Variants in ENTPD8 observed in about 807,000 individuals in gnomAD.
ENTPD8 encodes ectonucleoside triphosphate diphosphohydrolase 8.
Under a neutral mutation model 47.0 loss-of-function variants are expected in ENTPD8, and 35 were observed. The ratio of observed to expected loss-of-function variants is 0.75; its 90% CI spans 0.57 to 0.99. The LOEUF is 0.99. Ranked by LOEUF, ENTPD8 falls within the 50% of genes least tolerant of loss-of-function variation. The pLI is 0.00. For synonymous variants in ENTPD8, 308 were observed against 290.5 expected (o/e 1.06, Z -0.61); for missense variants, 668 against 649.9 (o/e 1.03, Z -0.30).
chr9:137,434,835 C>T lies in ENTPD8; in HGVS notation c.*79G>A, dbSNP rs1839291853. 1.2e-5 allele frequency: 18 copies of T among 1,455,170 alleles called. No homozygotes were observed. The highest frequency in any genetic ancestry group is 4.9e-5 in the Admixed American group (2 of 41,168). 90.1% of individuals were successfully genotyped at this position (1,455,170 alleles called of 1,614,324 possible). A position where few individuals can be genotyped will look rare whatever the true frequency, so the allele number is the denominator to read the frequency against. On this transcript the variant is annotated 3_prime_UTR_variant, in exon 10 of 10. Coordinates refer to ENST00000371506, the MANE Select transcript of ENTPD8 (RefSeq NM_001033113.2). ...AGAGCCACAGAGCAAGGCCCCACGG[C>T]GCTCAGGGCTCAGGAAGCCTCCAGC...
At chr9:137,439,150 C>G (rs1469989835) in intron 1 of ENTPD8, among the ~76,000 whole-genome samples, 5 of 152,170 alleles carry the variant, frequency 3.3e-5, no homozygotes, top group Admixed American at 3.3e-4. Context: ...CAAGGCTTCC[C>G]TAATCTGACT....
rs138479024 is a variant in ENTPD8 at position 137,434,426 on chromosome 9, T to G, written c.*488A>C. 0.016 allele frequency: 23,847 copies of G among 1,490,170 alleles called. 255 individuals are homozygous for G. The highest frequency in any genetic ancestry group is 0.019 in the Non-Finnish European group (21,270 of 1,116,252). The allele number at this position is 1,490,170 out of a possible 1,614,324, so 92.3% of individuals were successfully genotyped here. A position where few individuals can be genotyped will look rare whatever the true frequency, so the allele number is the denominator to read the frequency against. On this transcript the variant is annotated 3_prime_UTR_variant, in exon 10 of 10. Coordinates refer to ENST00000371506, the MANE Select transcript of ENTPD8 (RefSeq NM_001033113.2). ...ACTGCAGTCTCACCCTCCAAGTGGG[T>G]GTGGGAGGCCGGGCTGGCCCAGCAG... is the stretch of plus-strand genomic sequence containing the variant.
In ENTPD8 at chr9:137,436,169, CG is replaced by C. The variant is rs898085144; in HGVS notation, c.893del (p.Pro298ArgfsTer2). 1.2e-6 allele frequency: 2 copies of C among 1,612,788 alleles called. No individual in the cohort carries two copies. Among genetic ancestry groups the C allele is most frequent in the Non-Finnish European group, 1.7e-6 (2 of 1,179,968 alleles). On this transcript the variant is annotated frameshift_variant, in exon 7 of 10. Coordinates refer to ENST00000371506, the MANE Select transcript of ENTPD8 (RefSeq NM_001033113.2). LOFTEE classifies it high-confidence loss of function. ...YESPCVHATP[P>X]LSLPQNLTVE... ...CTGTGAGGTTCTGGGGGAGGCTCAG[CG>C]GGGGCGTGGCGTGGACACAGGGTGA...
In ENTPD8 at chr9:137,434,516, G is replaced by A; in HGVS notation, c.*398C>T. Reference sequence around the variant, plus strand: ...CAGCAGGGAGAGCGGGGGTCCAGGTGGGGCAGCTCCCTCCCTTCCACCCCT... The same window carrying A: ...CAGCAGGGAGAGCGGGGGTCCAGGTAGGGCAGCTCCCTCCCTTCCACCCCT... On this transcript the variant is annotated 3_prime_UTR_variant, in exon 10 of 10. Transcript: ENST00000371506. The A allele has an allele frequency of 3.4e-6, 3 of 892,786 alleles. No homozygotes were observed. Among genetic ancestry groups the A allele is most frequent in the Non-Finnish European group, 5.0e-6 (3 of 595,314 alleles). The allele number at this position is 892,786 out of a possible 1,614,324, so 55.3% of individuals were successfully genotyped here.
In ENTPD8 at chr9:137,441,303, T is replaced by C; in HGVS notation, c.-38A>G. 1 of 274,648 alleles carries C rather than the reference T, an allele frequency of 3.6e-6. No homozygotes were observed. Among genetic ancestry groups the C allele is most frequent in the Non-Finnish European group, 7.5e-6 (1 of 133,550 alleles). 17.0% of individuals were successfully genotyped at this position (274,648 alleles called of 1,614,324 possible). ...ACCCTCACCTGGGCTGGCTGCCCAC[T>C]TCCCGGAGCGGCAAGGAGGAAGCTG... is the stretch of plus-strand genomic sequence containing the variant. On this transcript the variant is annotated 5_prime_UTR_variant, in exon 1 of 10. Transcript: ENST00000371506.
At chr9:137,436,440 C>CG in intron 6 of ENTPD8, 81 bp downstream of exon 6, 1 of 1,386,904 alleles carries the variant, frequency 7.2e-7, no homozygotes, top group South Asian at 1.3e-5. Flanking sequence ...GCCCCCTCCC[C>CG]GGGGCCGGAT....
rs1409650051 is a variant in ENTPD8 at position 137,435,226 on chromosome 9, G to A, written c.1274C>T (p.Pro425Leu). 4.3e-6 allele frequency: 7 copies of A among 1,611,846 alleles called. No individual in the cohort carries two copies. The highest frequency in any genetic ancestry group is 5.9e-6 in the Non-Finnish European group (7 of 1,179,804). ...EGYGFSEETW[P>L]SLEFRKQAGG... Reference sequence around the variant, plus strand: ...CACCTGCTTTCGGAACTCGAGGCTGGGCCAGGTCTCCTCGCTGAACCCGTA... The same window carrying A: ...CACCTGCTTTCGGAACTCGAGGCTGAGCCAGGTCTCCTCGCTGAACCCGTA... The change falls in exon 9 of 10, where the codon CCC becomes CTC. Residue 425 changes from proline to leucine, a missense_variant. Transcript: ENST00000371506.
intron 8 of ENTPD8, 34 bp from the exon 9 acceptor site, chr9:137,435,372 G>GT: frequency 6.3e-7 from 1 of 1,593,768 alleles, no homozygotes; most frequent in South Asian, 1.1e-5. Flanking sequence ...CGAGGTGAGG[G>GT]CCCCTGATCC....
Position 137,434,944 on chromosome 9 carries a change from G to A in ENTPD8, c.1458C>T (p.Ala486=), listed in dbSNP as rs370146512. Reference sequence around the variant, plus strand: ...CCTGCAACCAGAAGAGCTGGACCAAGGCAGCCCCCACCACCGCCACCAGGG... The same window carrying A: ...CCTGCAACCAGAAGAGCTGGACCAAAGCAGCCCCCACCACCGCCACCAGGG... ...VLALVAVVGA[A]LVQLFWLQD Residue 486 remains alanine, a synonymous_variant, in exon 10 of 10, where the codon GCC becomes GCT. Transcript: ENST00000371506. 33 of 1,612,024 alleles carry A rather than the reference G, an allele frequency of 2.0e-5. No individual in the cohort carries two copies. In the African/African-American group the frequency reaches 3.3e-4, roughly 16 times the overall value.
intron 4 of ENTPD8, 44 bp from the exon 5 acceptor site, chr9:137,437,072 G>A (rs376780742): frequency 1.2e-6 from 2 of 1,603,010 alleles, no homozygotes; most frequent in African/African-American, 1.3e-5. Flanking sequence ...GGAAGCCTGG[G>A]CCCGGCCCCA....
chr9:137,435,642 G>A, intron 8 of ENTPD8, 77 bp downstream of exon 8: 2 of 1,401,720 alleles, frequency 1.4e-6, no homozygotes, highest in South Asian at 2.4e-5. Flanking sequence ...CCAGAATGAG[G>A]CTCCAGCATC....
At position 137,434,966 on chromosome 9, in the gene ENTPD8, A is replaced by G; in HGVS notation, c.1436T>C (p.Leu479Pro). The G allele has an allele frequency of 1.2e-6, 2 of 1,612,876 alleles. No homozygotes were observed. The highest frequency in any genetic ancestry group is 1.7e-6 in the Non-Finnish European group (2 of 1,179,800). ...CAAGGCAGCCCCCACCACCGCCACC[A>G]GGGCCAGCACCATGAACACCACTTT... ...VAKVVFMVLA[L>P]VAVVGAALVQ... Residue 479 changes from leucine (L) to proline (P), a missense_variant, in exon 10 of 10, where the codon CTG becomes CCG. Transcript: ENST00000371506.
rs766824284 is a variant in ENTPD8 at position 137,435,093 on chromosome 9, C to T, written c.1309G>A (p.Asp437Asn). Residue 437 changes from aspartate (D) to asparagine (N), a missense_variant, in exon 10 of 10, where the codon GAC becomes AAC. Asp to Asn is a conservative substitution (Grantham distance 23). Transcript: ENST00000371506. The part of the protein sequence containing the change: ...LEFRKQAGGV[D>N]IGWTLGYMLN... ...ATGTAGCCCAGTGTCCAGCCAATGT[C>T]CACACCGCCCGCCTGCGGGACACAC... 2 of 1,610,006 alleles carry T rather than the reference C, an allele frequency of 1.2e-6. No individual in the cohort carries two copies. Among genetic ancestry groups the T allele is most frequent in the Admixed American group, 3.3e-5 (2 of 59,900 alleles).
At position 137,438,277 on chromosome 9, in the gene ENTPD8, C is replaced by G; in HGVS notation, c.9G>C (p.Leu3=). 6.3e-7 allele frequency: 1 copy of G among 1,585,288 alleles called. No individual in the cohort carries two copies. The highest frequency in any genetic ancestry group is 8.6e-7 in the Non-Finnish European group (1 of 1,166,016). MG[L]SRKEQVFLAL... is the part of the protein sequence containing the mutation. The stretch of plus-strand genomic sequence containing the variant: ...CCAAGAAGACCTGCTCCTTCCGGGA[C>G]AGCCCCATGGTGCAGGTGGTACTGG... The change falls in exon 2 of 10, where the codon CTG becomes CTC. Residue 3 remains leucine, a synonymous_variant. Transcript: ENST00000371506. The surrounding 1 kb of genome is among the most constrained non-coding windows in gnomAD (Gnocchi z 5.7).
In ENTPD8 at chr9:137,435,114, C is replaced by G. The variant is rs1452810968; in HGVS notation, c.1297-9G>C. 1.9e-6 allele frequency: 3 copies of G among 1,606,706 alleles called. No individual in the cohort carries two copies. The highest frequency in any genetic ancestry group is 2.5e-6 in the Non-Finnish European group (3 of 1,177,748). Reference sequence around the variant, plus strand: ...ATGTCCACACCGCCCGCCTGCGGGACACACGGCTGCTCAGGGCTGCGGGGC... The same window carrying G: ...ATGTCCACACCGCCCGCCTGCGGGAGACACGGCTGCTCAGGGCTGCGGGGC... On this transcript the variant is annotated splice_polypyrimidine_tract_variant and intron_variant, in intron 9 of 9. Coordinates refer to ENST00000371506, the MANE Select transcript of ENTPD8 (RefSeq NM_001033113.2).
chr9:137,438,400 GCACCCC>G lies in ENTPD8; in HGVS notation c.-20-101_-20-96del. The G allele has an allele frequency of 7.4e-7, 1 of 1,343,428 alleles. No homozygotes were observed. The highest frequency in any genetic ancestry group is 9.8e-7 in the Non-Finnish European group (1 of 1,016,590). The allele number at this position is 1,343,428 out of a possible 1,614,324, so 83.2% of individuals were successfully genotyped here. On this transcript the variant is annotated intron_variant, in intron 1 of 9. Transcript: ENST00000371506. The surrounding 1 kb of genome is among the most constrained non-coding windows in gnomAD (Gnocchi z 5.7). ...CTTCGCTCCCCGTCTCCCTGGAGACGCACCCCTGGACAGCCACTTGCCTTAGAGGCA... is the reference window on the plus strand; with the variant it reads ...CTTCGCTCCCCGTCTCCCTGGAGACGTGGACAGCCACTTGCCTTAGAGGCA...
At position 137,436,792 on chromosome 9, in the gene ENTPD8, G is replaced by A. The variant is rs371455616; in HGVS notation, c.556-41C>T. 1,073 of 1,601,890 alleles carry A rather than the reference G, an allele frequency of 6.7e-4. 15 individuals are homozygous for A. In the South Asian group the frequency reaches 0.01, roughly 15 times the overall value. ...GCCACTCAGCTGGGAGCAGCCACCCGGACCCCGTCCCGGTCAGCCAGCCCC... is the reference window on the plus strand; with the variant it reads ...GCCACTCAGCTGGGAGCAGCCACCCAGACCCCGTCCCGGTCAGCCAGCCCC... On this transcript the variant is annotated intron_variant, in intron 5 of 9. Coordinates refer to ENST00000371506, the MANE Select transcript of ENTPD8 (RefSeq NM_001033113.2).
intron 5 of ENTPD8, 47 bp from the exon 6 acceptor site, chr9:137,436,798 C>A (rs372334778): frequency 6.2e-7 from 1 of 1,601,916 alleles, no homozygotes; most frequent in Admixed American, 1.7e-5. Context: ...ACCCGGACCC[C>A]GTCCCGGTCA....
rs1839373751 is a variant in ENTPD8, at chr9:137,436,718, C to G, written c.589G>C (p.Glu197Gln). Residue 197 changes from glutamate to glutamine, a missense_variant, in exon 6 of 10, where the codon GAG (glutamate) becomes CAG (glutamine). Coordinates refer to ENST00000371506, the MANE Select transcript of ENTPD8 (RefSeq NM_001033113.2). ...SFTGEWIQPP[E>Q]EMLVGALDMG... is the part of the protein sequence containing the mutation. ...TCCAGGGCACCCACCAGCATCTCCT[C>G]CGGAGGCTGGATCCATTCTCCAGTG... 6.2e-7 allele frequency: 1 copy of G among 1,600,124 alleles called. No homozygotes were observed. The highest frequency in any genetic ancestry group is 8.5e-7 in the Non-Finnish European group (1 of 1,173,726).
Sources: gnomAD v4.1 joint callset for allele counts (sites outside exome capture counted in the v4.1 genomes callset) on GRCh38, gnomAD v4.1.1 for gene constraint, Gnocchi (gnomAD v3.1) non-coding constraint, MANE v1.5 for transcripts, NCBI Gene and HGNC (gene_info 2026-07-23, HGNC 2026-07-21) for gene names.